The following ZNF717 variants were observed in gnomAD, a reference collection of about 807,000 sequenced individuals.
ZNF717 encodes the protein zinc finger protein 717.
Under a neutral mutation model 13.8 loss-of-function variants are expected in ZNF717, and 9 were observed. The ratio of observed to expected loss-of-function variants is 0.65; its 90% CI spans 0.39 to 1.14. ZNF717 has a LOEUF of 1.14. ZNF717 is among the 50% of genes most tolerant of loss of function. ZNF717 has a pLI of 0.01. For synonymous variants in ZNF717, 327 were observed against 364.1 expected (o/e 0.90, Z 1.16); for missense variants, 1,040 against 1,080.7 (o/e 0.96, Z 0.53).
At chr3:75,749,444 T>A (rs1386127164) in intron 2 of ZNF717, among the ~76,000 whole-genome samples, 1 of 152,040 alleles carries the variant, frequency 6.6e-6, no homozygotes, top group Non-Finnish European at 1.5e-5. Context: ...GTGGTCTGAA[T>A]GTTTGTCCCT....
chr3:75,747,141 G>C (rs1269333328), intron 2 of ZNF717, among the ~76,000 whole-genome samples: 2 of 151,290 alleles, frequency 1.3e-5, no homozygotes, highest in Admixed American at 1.3e-4. Context: ...CATTTCTTTT[G>C]TCAGGTATGT....
rs1287301685 is a variant in ZNF717 at position 75,785,519 on chromosome 3, G to A, written c.-138C>T. On this transcript the variant is annotated 5_prime_UTR_variant, in exon 1 of 5. Transcript: ENST00000652011. ...CCTCGCACCGACCCGCAGGGACATA[G>A]AACCAAGCCCCAGGCTGGCCCAGCT... The A allele has an allele frequency of 2.6e-5, 4 of 152,472 alleles. No homozygotes were observed. The highest frequency in any genetic ancestry group is 5.9e-5 in the Non-Finnish European group (4 of 68,220). 9.4% of individuals were successfully genotyped at this position (152,472 alleles called of 1,614,324 possible).
chr3:75,771,748 G>A (rs1055980773), intron 2 of ZNF717, among the ~76,000 whole-genome samples: 2 of 152,242 alleles, frequency 1.3e-5, no homozygotes, highest in African/African-American at 4.8e-5. Flanking sequence ...GCAGGCAGGA[G>A]CCCCACCCTC....
intron 2 of ZNF717, among the ~76,000 whole-genome samples, chr3:75,751,893 C>T (rs1383365616): frequency 6.6e-6 from 1 of 151,830 alleles, no homozygotes; most frequent in African/African-American, 2.4e-5. Flanking sequence ...GAATGATTTT[C>T]CCTCACACAG....
At chr3:75,723,665 C>T (rs79906446) in intron 4 of ZNF717, among the ~76,000 whole-genome samples, 2 of 152,232 alleles carry the variant, frequency 1.3e-5, no homozygotes, top group Admixed American at 1.3e-4. Flanking sequence ...AGTGCGAGCC[C>T]TCTGTCATGC....
intron 2 of ZNF717, among the ~76,000 whole-genome samples, chr3:75,755,775 T>A (rs1233066963): frequency 6.6e-6 from 1 of 152,198 alleles, no homozygotes; most frequent in Non-Finnish European, 1.5e-5. Flanking sequence ...TCATCTAAAA[T>A]CATCAATGAA....
chr3:75,776,585 A>C (rs78252458), intron 2 of ZNF717, among the ~76,000 whole-genome samples: 23,445 of 151,684 alleles, frequency 0.15, 1,169 homozygotes, highest in Non-Finnish European at 0.16. Context: ...TGAGAACATC[A>C]AAGAAGGACT....
intron 5 of ZNF717, among the ~76,000 whole-genome samples, chr3:75,715,211 TTCAATG>T (rs1938023177): frequency 6.6e-6 from 1 of 152,204 alleles, no homozygotes; most frequent in African/African-American, 2.4e-5. Context: ...GGGTTATATT[TTCAATG>T]TTTACATTTA....
At chr3:75,699,133 T>G (rs1937637598) in intron 6 of ZNF717, among the ~76,000 whole-genome samples, 1 of 152,312 alleles carries the variant, frequency 6.6e-6, no homozygotes, top group African/African-American at 2.4e-5. Context: ...AGAATAGGAT[T>G]ATTTACCCAA....
chr3:75,771,297 T>C (rs1228818095), intron 2 of ZNF717, among the ~76,000 whole-genome samples: 1 of 152,226 alleles, frequency 6.6e-6, no homozygotes, highest in African/African-American at 2.4e-5. Flanking sequence ...TCACTTCAGA[T>C]TTCTGTACAT....
At chr3:75,695,272 C>CATG (rs1937591281) in intron 6 of ZNF717, among the ~76,000 whole-genome samples, 1 of 152,284 alleles carries the variant, frequency 6.6e-6, no homozygotes, top group African/African-American at 2.4e-5. Context: ...GAGATCAATT[C>CATG]AAGAGGATAT....
At chr3:75,748,721 G>C (rs1315624134) in intron 2 of ZNF717, among the ~76,000 whole-genome samples, 44 of 152,168 alleles carry the variant, frequency 2.9e-4, no homozygotes, top group Non-Finnish European at 5.3e-4. Context: ...CGTGACAAAC[G>C]CACAGCCAAT....
chr3:75,733,555 G>A (rs1394422503), downstream of ZNF717, among the ~76,000 whole-genome samples: 1 of 152,034 alleles, frequency 6.6e-6, no homozygotes, highest in African/African-American at 2.4e-5. Flanking sequence ...AAGGTGGGTG[G>A]ATCATGAGGT....
chr3:75,697,291 C>T (rs1477307618), intron 6 of ZNF717, among the ~76,000 whole-genome samples: 3 of 152,402 alleles, frequency 2.0e-5, no homozygotes, highest in African/African-American at 7.2e-5. Flanking sequence ...CATAAAGACT[C>T]CTCTGATAAG....
chr3:75,731,802 C>T (rs188860437), downstream of ZNF717, among the ~76,000 whole-genome samples: 266 of 152,284 alleles, frequency 1.7e-3, no homozygotes, highest in African/African-American at 5.8e-3. Context: ...ATCAACAATC[C>T]TTTTTGGATT....
At chr3:75,764,188 T>C (rs1292777986) in intron 2 of ZNF717, among the ~76,000 whole-genome samples, 3 of 152,184 alleles carry the variant, frequency 2.0e-5, no homozygotes, top group Admixed American at 1.3e-4. Flanking sequence ...CCATCCTCAA[T>C]TGCTTTTGAG....
At chr3:75,711,380 C>T (rs75459220) in intron 5 of ZNF717, 9 of 152,160 alleles carry the variant, frequency 5.9e-5, no homozygotes, top group East Asian at 1.9e-4. Context: ...ACATCATCTT[C>T]GTGAACCACT....
In ZNF717 at chr3:75,737,817, A is replaced by T; in HGVS notation, c.1806T>A (p.Asn602Lys). 6.4e-7 allele frequency: 1 copy of T among 1,551,018 alleles called. No individual in the cohort carries two copies. Among genetic ancestry groups the T allele is most frequent in the African/African-American group, 1.4e-5 (1 of 72,944 alleles). The part of the protein sequence containing the change: ...ECNECEKTFI[N>K]KLNLGIHKRT... The stretch of plus-strand genomic sequence containing the variant: ...TCTTGTGTATCCCAAGGTTTAACTT[A>T]TTGATAAAGGTTTTCTCACATTCAT... Residue 602 changes from asparagine to lysine, a missense_variant, in exon 5 of 5, where the codon AAT becomes AAA. Asn to Lys is a moderately conservative substitution (Grantham distance 94, BLOSUM62 0). This residue lies in a region of ZNF717 where 873 missense variants were observed against 832.8 expected (regional missense o/e 1.05). Transcript: ENST00000652011.
chr3:75,738,372 G>A lies in ZNF717; in HGVS notation c.1251C>T (p.His417=). Residue 417 remains histidine, a synonymous_variant, in exon 5 of 5, where the codon CAC becomes CAT. Coordinates refer to ENST00000652011, the MANE Select transcript of ZNF717 (RefSeq NM_001290208.3). ...CACATGCATAGGGCTTTTCCCCTGT[G>A]TGAGTTCTATGATGTATTGTGAGGT... ...KSYLTIHHRT[H]TGEKPYACDH... is the part of the protein sequence containing the mutation. 1 of 1,541,372 alleles carries A rather than the reference G, an allele frequency of 6.5e-7. No individual in the cohort carries two copies.
Sources: gnomAD v4.1 joint callset for allele counts (sites outside exome capture counted in the v4.1 genomes callset) on GRCh38, gnomAD v4.1.1 for gene constraint, gnomAD v4.1.1 regional missense constraint, MANE v1.5 for transcripts, NCBI Gene and HGNC (gene_info 2026-07-23, HGNC 2026-07-21) for gene names.